Variants in ABCC12 observed in about 807,000 individuals in gnomAD.
The protein encoded by ABCC12 is ATP-binding cassette sub-family C member 12.
Under a neutral mutation model 151.1 loss-of-function variants are expected in ABCC12, and 142 were observed. That is an observed-to-expected ratio of 0.94 (90% CI 0.82 to 1.08). The LOEUF is 1.08. Among genes scored for constraint, ABCC12 ranks in the 50% least tolerant of loss-of-function variants. ABCC12 has a pLI of 0.00. For missense variants in ABCC12, 1,638 were observed against 1,691.1 expected (o/e 0.97, Z 0.55); for synonymous variants, 645 against 646.4 (o/e 1.00, Z 0.03).
intron 18 of ABCC12, 44 bp from the exon 19 acceptor site, chr16:48,108,573 G>T: frequency 6.4e-7 from 1 of 1,569,876 alleles, no homozygotes; most frequent in Non-Finnish European, 8.7e-7. Flanking sequence ...CCACTGGGGT[G>T]GGGGCCCAGC....
chr16:48,128,728 T>A lies in ABCC12; in HGVS notation c.1246A>T (p.Ile416Leu), dbSNP rs149206802. Residue 416 changes from isoleucine (I) to leucine (L), a missense_variant, in exon 11 of 31, where the codon ATA (isoleucine) becomes TTA (leucine). Physicochemically the swap from Ile to Leu is conservative, Grantham distance 5. Coordinates refer to ENST00000311303, the MANE Select transcript of ABCC12 (RefSeq NM_001393797.1). The stretch of plus-strand genomic sequence containing the variant: ...ATGTAAGATGGGGGGCTTTTATCTA[T>A]GAGAATTTTCTAAGATTAAAGAGAC... ...VSLRRMKKIL[I>L]DKSPPSYITQ... 3 of 1,612,144 alleles carry A rather than the reference T, an allele frequency of 1.9e-6. No individual in the cohort carries two copies. The highest frequency in any genetic ancestry group is 2.7e-5 in the African/African-American group (2 of 74,724).
At position 48,111,919 on chromosome 16, in the gene ABCC12, G is replaced by A. The variant is rs1963709145; in HGVS notation, c.1990-9C>T. The A allele has an allele frequency of 2.5e-6, 4 of 1,612,470 alleles. No homozygotes were observed. The highest frequency in any genetic ancestry group is 3.4e-6 in the Non-Finnish European group (4 of 1,179,230). ...TCACAAGACTCTAAGAACTGCAGAA[G>A]TAAGTGATCGACAATGAACTTCTGC... On this transcript the variant is annotated splice_polypyrimidine_tract_variant and intron_variant, in intron 15 of 30. Transcript: ENST00000311303.
chr16:48,148,360 C>G (rs1370250077), intron 2 of ABCC12, among the ~76,000 whole-genome samples: 1 of 152,128 alleles, frequency 6.6e-6, no homozygotes, highest in Non-Finnish European at 1.5e-5. Flanking sequence ...CCTCAGCTTC[C>G]CAAGTAGCAG....
intron 30 of ABCC12, 32 bp from the exon 31 acceptor site, chr16:48,083,833 C>G: frequency 6.2e-7 from 1 of 1,613,992 alleles, no homozygotes; most frequent in Middle Eastern, 1.6e-4. Context: ...CTGAAATCAT[C>G]GGAAAATATC....
At chr16:48,117,404 C>T in intron 13 of ABCC12, 71 bp from the exon 14 acceptor site, 2 of 1,542,148 alleles carry the variant, frequency 1.3e-6, no homozygotes, top group Non-Finnish European at 1.8e-6. Flanking sequence ...GCTGCTTCCA[C>T]AGGCGCTGCT....
rs1192070851 is a variant in ABCC12 at position 48,117,318 on chromosome 16, G to T, written c.1728C>A (p.Val576=). Residue 576 remains valine (V), a synonymous_variant, in exon 14 of 31, where the codon GTC becomes GTA. Coordinates refer to ENST00000311303, the MANE Select transcript of ABCC12 (RefSeq NM_001393797.1). ...KYDHQRYQHT[V]RVCGLQKDLS... ...GGTCCTTCTGGAGGCCACAGACGCG[G>T]ACTGTGTGCTGATACCTGTTGGTGC... The T allele has an allele frequency of 2.5e-6, 4 of 1,613,836 alleles. 1 individual carries two copies. In the South Asian group the frequency reaches 3.3e-5, roughly 13 times the overall value.
intron 13 of ABCC12, 47 bp from the exon 14 acceptor site, chr16:48,117,380 C>G (rs550508069): frequency 6.3e-7 from 1 of 1,597,056 alleles, no homozygotes; most frequent in African/African-American, 1.3e-5. Context: ...AGACCCCAAG[C>G]ACTGCTGCCC....
At chr16:48,144,158 C>T (rs1964922507) in intron 3 of ABCC12, 93 bp from the exon 4 acceptor site, 1 of 1,418,250 alleles carries the variant, frequency 7.1e-7, no homozygotes, top group South Asian at 1.4e-5. Flanking sequence ...GCAACAACCA[C>T]AGCTGCACTC....
At chr16:48,133,079 C>T (rs1964484187) in intron 9 of ABCC12, among the ~76,000 whole-genome samples, 1 of 152,084 alleles carries the variant, frequency 6.6e-6, no homozygotes, top group South Asian at 2.1e-4. Context: ...GTAGATAAAA[C>T]AGCCAACTGC....
intron 29 of ABCC12, 113 bp downstream of exon 29, chr16:48,085,480 G>T: frequency 2.3e-6 from 2 of 884,606 alleles, no homozygotes; most frequent in Non-Finnish European, 1.8e-6. Context: ...TTTTTAAATG[G>T]CTCAATTGCT....
chr16:48,116,596 G>T (rs1213985547), intron 14 of ABCC12, among the ~76,000 whole-genome samples: 1 of 152,170 alleles, frequency 6.6e-6, no homozygotes, highest in East Asian at 1.9e-4. Flanking sequence ...AGTGTGGGAG[G>T]TCTCAGATGC....
chr16:48,121,911 C>T, intron 12 of ABCC12, 71 bp from the exon 13 acceptor site: 1 of 1,598,350 alleles, frequency 6.3e-7, no homozygotes, highest in Non-Finnish European at 8.5e-7. Flanking sequence ...CCCATTGCAC[C>T]CTGGCACCCA....
At chr16:48,129,069 C>T (rs1249568896) in intron 10 of ABCC12, among the ~76,000 whole-genome samples, 1 of 152,208 alleles carries the variant, frequency 6.6e-6, no homozygotes, top group Non-Finnish European at 1.5e-5. Flanking sequence ...GCACTAAATG[C>T]TTATGAAATC....
chr16:48,129,442 T>C (rs1330165394), intron 10 of ABCC12, among the ~76,000 whole-genome samples: 1 of 152,064 alleles, frequency 6.6e-6, no homozygotes, highest in African/African-American at 2.4e-5. Context: ...AGGCCCAGCA[T>C]GGACAAAGGC....
intron 28 of ABCC12, 133 bp from the exon 29 acceptor site, chr16:48,085,839 A>G (rs1350734272): frequency 2.8e-6 from 2 of 703,206 alleles, no homozygotes; most frequent in East Asian, 5.3e-5. Flanking sequence ...AGTGCAAAAC[A>G]ACAATCATTT....
chr16:48,135,460 A>C (rs1964577933), intron 8 of ABCC12, among the ~76,000 whole-genome samples: 1 of 152,138 alleles, frequency 6.6e-6, no homozygotes, highest in Non-Finnish European at 1.5e-5. Flanking sequence ...AGCTCACTGC[A>C]GCCTTGACCT....
chr16:48,085,216 TC>T (rs1962534953), intron 29 of ABCC12, among the ~76,000 whole-genome samples: 1 of 152,044 alleles, frequency 6.6e-6, no homozygotes, highest in South Asian at 2.1e-4. Flanking sequence ...ATTCTACAAT[TC>T]CCATATCCTA....
chr16:48,105,686 G>A (rs954763588), intron 20 of ABCC12, among the ~76,000 whole-genome samples: 3 of 152,188 alleles, frequency 2.0e-5, no homozygotes, highest in African/African-American at 7.2e-5. Context: ...GGCAAATGGG[G>A]AATTGGAATT....
chr16:48,115,559 G>T lies in ABCC12; in HGVS notation c.1845C>A (p.Arg615=). Residue 615 remains arginine (R), a synonymous_variant, in exon 15 of 31, where the codon CGC becomes CGA. Coordinates refer to ENST00000311303, the MANE Select transcript of ABCC12 (RefSeq NM_001393797.1). ...AGAGCTGACGGTCGGAGTAGACAGCGCGGGCCAGGCTAATCCTCTGCCTCT... is the reference window on the plus strand; with the variant it reads ...AGAGCTGACGGTCGGAGTAGACAGCTCGGGCCAGGCTAATCCTCTGCCTCT... ...GGQRQRISLA[R]AVYSDRQLYL... The T allele has an allele frequency of 6.2e-7, 1 of 1,614,176 alleles. No homozygotes were observed. The highest frequency in any genetic ancestry group is 8.5e-7 in the Non-Finnish European group (1 of 1,180,018).
Sources: gnomAD v4.1 joint callset for allele counts (sites outside exome capture counted in the v4.1 genomes callset) on GRCh38, gnomAD v4.1.1 for gene constraint, MANE v1.5 for transcripts, NCBI Gene and HGNC (gene_info 2026-07-23, HGNC 2026-07-21) for gene names.